BCAR3: variants seen among roughly 807,000 people sequenced by gnomAD.
BCAR3 encodes BCAR3 adaptor protein, NSP family member, also known as breast cancer anti-estrogen resistance protein 3.
A neutral mutation model predicts 80.1 loss-of-function variants in BCAR3; 37 were observed. The observed-to-expected ratio is 0.46, with a 90% CI of 0.36 to 0.61. The LOEUF is 0.61. BCAR3 is among the 20% of genes least tolerant of loss of function. The probability of loss-of-function intolerance (pLI) is 0.00; values close to 1 mark genes in which losing one functional copy is unlikely to be tolerated. For synonymous variants in BCAR3, 389 were observed against 418.9 expected (o/e 0.93, Z 0.87); for missense variants, 978 against 1,068.2 (o/e 0.92, Z 1.18).
In BCAR3 at chr1:93,632,359, G is replaced by A. The variant is rs140743977; in HGVS notation, c.357+9945C>T. ...GCCCTAACTTAACAATGGTTCCACT[G>A]ATTTTCAACTTTACGACGGTGCTGA... On this transcript the variant is annotated intron_variant, in intron 3 of 11. Coordinates refer to ENST00000260502, the MANE Select transcript of BCAR3 (RefSeq NM_003567.4). 6.3e-3 allele frequency among the ~76,000 whole-genome samples: 958 copies of A among 152,280 alleles called. 9 individuals are homozygous for A. Among genetic ancestry groups the A allele is most frequent in the Admixed American group, 0.021 (327 of 15,300 alleles).
chr1:93,663,239 C>G (rs954773375), intron 2 of BCAR3, among the ~76,000 whole-genome samples: 1 of 152,206 alleles, frequency 6.6e-6, no homozygotes, highest in African/African-American at 2.4e-5. Context: ...CTTCTGAAAG[C>G]CCTTTTGTTA....
rs546781970 is a variant in BCAR3 at position 93,644,528 on chromosome 1, A to G, written c.318-2185T>C. 5.8e-4 allele frequency among the ~76,000 whole-genome samples: 88 copies of G among 152,346 alleles called. 1 individual carries two copies. Among genetic ancestry groups the G allele is most frequent in the African/African-American group, 2.0e-3 (83 of 41,582 alleles). ...ATTGACGGATGGCTCATGCCTCCCT[A>G]AAATGTATAAAACCAAGCTGCGCCC... On this transcript the variant is annotated intron_variant, in intron 2 of 11. Coordinates refer to ENST00000260502, the MANE Select transcript of BCAR3 (RefSeq NM_003567.4).
intron 2 of BCAR3, among the ~76,000 whole-genome samples, chr1:93,803,568 G>T (rs973545637): frequency 4.6e-5 from 7 of 152,196 alleles, no homozygotes; most frequent in Non-Finnish European, 1.0e-4. Flanking sequence ...TCCAGAGTCA[G>T]TTCAAACACA....
At chr1:93,748,972 A>AC (rs1651450968) in intron 2 of BCAR3, among the ~76,000 whole-genome samples, 1 of 152,196 alleles carries the variant, frequency 6.6e-6, no homozygotes, top group Non-Finnish European at 1.5e-5. Flanking sequence ...AAGTAGCCTC[A>AC]CCACCATAAT....
chr1:93,704,934 T>C (rs570413236), intron 3 of BCAR3, among the ~76,000 whole-genome samples: 385 of 152,350 alleles, frequency 2.5e-3, no homozygotes, highest in African/African-American at 8.9e-3. Context: ...TCCTAAGAGT[T>C]AGTTGCTCCA....
chr1:93,842,608 A>T (rs1485941209), intron 2 of BCAR3, among the ~76,000 whole-genome samples: 1 of 152,168 alleles, frequency 6.6e-6, no homozygotes, highest in South Asian at 2.1e-4. Flanking sequence ...GACCCTCTGG[A>T]CCCACTCCAT....
At chr1:93,614,360 G>A (rs1675040728) in intron 3 of BCAR3, among the ~76,000 whole-genome samples, 1 of 152,124 alleles carries the variant, frequency 6.6e-6, no homozygotes, top group South Asian at 2.1e-4. Context: ...CCTGCTCCTA[G>A]TGGTTCTGTC....
chr1:93,691,642 C>T (rs148124609), intron 3 of BCAR3, among the ~76,000 whole-genome samples: 203 of 152,232 alleles, frequency 1.3e-3, no homozygotes, highest in African/African-American at 4.7e-3. Flanking sequence ...TCCTCATTTT[C>T]CACCCAGGAG....
chr1:93,657,289 T>C (rs1439297291), intron 2 of BCAR3, among the ~76,000 whole-genome samples: 1 of 152,106 alleles, frequency 6.6e-6, no homozygotes, highest in Non-Finnish European at 1.5e-5. Context: ...TATAAACATT[T>C]AAAAAAACCT....
intron 9 of BCAR3, 164 bp from the exon 10 acceptor site, chr1:93,568,015 T>C (rs886807376): frequency 5.7e-6 from 3 of 529,358 alleles, no homozygotes; most frequent in South Asian, 2.0e-5. Context: ...GGTGAAACCC[T>C]GTCTCTACTC....
In BCAR3 at chr1:93,674,958, A is replaced by C; in HGVS notation, c.-11-17T>G. ...TTCTCAACTCTAAGGGGGAAAGAAA[A>C]GAGTGAAGGTATAAATCTATGAGAG... On this transcript the variant is annotated splice_polypyrimidine_tract_variant and intron_variant, in intron 1 of 11. Coordinates refer to ENST00000260502, the MANE Select transcript of BCAR3 (RefSeq NM_003567.4). 1 of 1,507,900 alleles carries C rather than the reference A, an allele frequency of 6.6e-7. No homozygotes were observed. The highest frequency in any genetic ancestry group is 8.9e-7 in the Non-Finnish European group (1 of 1,128,162). 93.4% of individuals were successfully genotyped at this position (1,507,900 alleles called of 1,614,324 possible). A position where few individuals can be genotyped will look rare whatever the true frequency, so the allele number is the denominator to read the frequency against.
At chr1:93,705,401 G>A (rs1331618557) in intron 3 of BCAR3, among the ~76,000 whole-genome samples, 1 of 152,164 alleles carries the variant, frequency 6.6e-6, no homozygotes, top group Admixed American at 6.5e-5. Context: ...GGAATGTTAT[G>A]CCATATAAAC....
At chr1:93,695,298 C>T (rs1462820249) in intron 3 of BCAR3, among the ~76,000 whole-genome samples, 2 of 152,128 alleles carry the variant, frequency 1.3e-5, no homozygotes, top group African/African-American at 4.8e-5. Flanking sequence ...GCAGGCCCAC[C>T]CCATCACAAA....
chr1:93,838,897 A>G (rs532113208), intron 2 of BCAR3, among the ~76,000 whole-genome samples: 15 of 152,360 alleles, frequency 9.8e-5, no homozygotes, highest in African/African-American at 3.4e-4. Flanking sequence ...AAATAGTGAA[A>G]TAAGGAGCAT....
intron 3 of BCAR3, among the ~76,000 whole-genome samples, chr1:93,703,572 G>GA (rs5776186): frequency 0.034 from 4,781 of 140,600 alleles, 91 homozygotes; most frequent in Middle Eastern, 0.058. Flanking sequence ...CTCTTAAAAA[G>GA]AAAAAAAAAA....
chr1:93,613,260 A>AG (rs1336730567), intron 3 of BCAR3, among the ~76,000 whole-genome samples: 2 of 152,218 alleles, frequency 1.3e-5, no homozygotes, highest in African/African-American at 4.8e-5. Context: ...TAGCCAAAGG[A>AG]GGTTCTCTGA....
chr1:93,828,448 C>A (rs1284632187), intron 2 of BCAR3, among the ~76,000 whole-genome samples: 2 of 152,140 alleles, frequency 1.3e-5, no homozygotes, highest in African/African-American at 4.8e-5. Flanking sequence ...AAATAAATTC[C>A]CTGACCTACC....
intron 2 of BCAR3, among the ~76,000 whole-genome samples, chr1:93,835,686 A>C (rs1331576779): frequency 1.3e-5 from 2 of 151,154 alleles, no homozygotes; most frequent in African/African-American, 4.9e-5. Context: ...CTATTTTACT[A>C]CTCCTCAGGG....
At chr1:93,633,836 C>T (rs1675697505) in intron 3 of BCAR3, among the ~76,000 whole-genome samples, 2 of 152,308 alleles carry the variant, frequency 1.3e-5, no homozygotes, top group South Asian at 4.2e-4. Context: ...TCAGGGGCTT[C>T]ACCATGTTGG....
Sources: gnomAD v4.1 joint callset for allele counts (sites outside exome capture counted in the v4.1 genomes callset) on GRCh38, gnomAD v4.1.1 for gene constraint, MANE v1.5 for transcripts, NCBI Gene and HGNC (gene_info 2026-07-23, HGNC 2026-07-21) for gene names.